The following STS variants were observed in gnomAD, a reference collection of about 807,000 sequenced individuals.
STS encodes the protein steryl-sulfatase.
In STS, 7 loss-of-function variants were observed where a neutral mutation model predicts 26.8. The observed-to-expected ratio is 0.26, with a 90% CI of 0.15 to 0.49. The LOEUF is 0.49. Among genes scored for constraint, STS ranks in the 20% least tolerant of loss-of-function variants. The pLI is 0.98. For missense variants in STS, 434 were observed against 465.6 expected (o/e 0.93, Z 0.63); for synonymous variants, 199 against 189.4 (o/e 1.05, Z -0.42).
chrX:7,147,908 C>G lies in STS; in HGVS notation c.-309C>G. The G allele has an allele frequency of 5.0e-6, 2 of 399,245 alleles. No homozygotes were observed. The highest frequency in any genetic ancestry group is 8.4e-6 in the Non-Finnish European group (2 of 239,367). 32.9% of individuals were successfully genotyped at this position (399,245 alleles called of 1,213,427 possible). On this transcript the variant is annotated 5_prime_UTR_variant, in exon 1 of 11. Coordinates refer to ENST00000674429, the MANE Select transcript of STS (RefSeq NM_001320752.2). ...GCCGCCGCCCGACTTCGGGGCCAGC[C>G]GGGGGCAGAGCGCGCGGGAGCCCGA...
At chrX:7,329,837 T>C (rs1170300711) in intron 9 of STS, among the ~76,000 whole-genome samples, 7 of 111,932 alleles carry the variant, frequency 6.3e-5, no homozygotes, top group African/African-American at 2.3e-4. Flanking sequence ...CAGAAGCCCG[T>C]GGATCCAAGG....
intron 1 of STS, among the ~76,000 whole-genome samples, chrX:7,171,125 G>C (rs1476762801): frequency 9.0e-6 from 1 of 111,470 alleles, no homozygotes; most frequent in Non-Finnish European, 1.9e-5. Context: ...GCTGCAGTTT[G>C]TCGCCACCTG....
chrX:7,317,218 A>G (rs1055917228), intron 8 of STS, among the ~76,000 whole-genome samples: 7 of 111,684 alleles, frequency 6.3e-5, no homozygotes, highest in Non-Finnish European at 1.1e-4. Context: ...ACAAAAAGTT[A>G]AACTTAGACC....
intron 3 of STS, among the ~76,000 whole-genome samples, chrX:7,256,137 C>G: frequency 8.9e-6 from 1 of 112,043 alleles, no homozygotes; most frequent in Middle Eastern, 4.6e-3. Context: ...TGGCAGATGA[C>G]AAGCCAGGCA....
At chrX:7,346,424 T>C (rs1011962638) in intron 10 of STS, among the ~76,000 whole-genome samples, 8 of 104,308 alleles carry the variant, frequency 7.7e-5, no homozygotes, top group Non-Finnish European at 1.6e-4. Context: ...AGTAGAATTA[T>C]TGTCCTCACC....
At chrX:7,320,001 T>TA (rs1926909271) in intron 8 of STS, among the ~76,000 whole-genome samples, 3 of 92,070 alleles carry the variant, frequency 3.3e-5, no homozygotes, top group East Asian at 3.1e-4. Flanking sequence ...TATATATATT[T>TA]TTATATATAT....
At chrX:7,311,940 T>C (rs1045202809) in intron 8 of STS, among the ~76,000 whole-genome samples, 4 of 111,484 alleles carry the variant, frequency 3.6e-5, no homozygotes, top group African/African-American at 1.3e-4. Context: ...GGTAAGAGGA[T>C]CGCTTGAGCC....
intron 2 of STS, among the ~76,000 whole-genome samples, chrX:7,205,885 G>T (rs749415413): frequency 1.9e-5 from 2 of 107,171 alleles, no homozygotes; most frequent in East Asian, 5.9e-4. Flanking sequence ...CAACATGCTG[G>T]GATTACAGGT....
intron 1 of STS, among the ~76,000 whole-genome samples, chrX:7,176,852 G>A (rs993412614): frequency 3.6e-5 from 4 of 111,326 alleles, no homozygotes; most frequent in Non-Finnish European, 7.5e-5. Flanking sequence ...ATGAGATTTG[G>A]GTGGGGACAC....
intron 1 of STS, among the ~76,000 whole-genome samples, chrX:7,176,316 T>C (rs1468129473): frequency 9.0e-6 from 1 of 111,181 alleles, no homozygotes; most frequent in East Asian, 2.9e-4. Flanking sequence ...TTGTGCAAAG[T>C]AGAAGAAAGT....
chrX:7,159,563 A>T (rs1317189135), intron 1 of STS, among the ~76,000 whole-genome samples: 1 of 112,118 alleles, frequency 8.9e-6, no homozygotes, highest in Non-Finnish European at 1.9e-5. Context: ...TCCTCAACAC[A>T]TGCTCCCTTT....
chrX:7,284,151 G>T (rs1207964164), intron 7 of STS, among the ~76,000 whole-genome samples: 1 of 112,076 alleles, frequency 8.9e-6, no homozygotes, highest in Non-Finnish European at 1.9e-5. Context: ...GGTTTACTTT[G>T]TAAGGAGGAA....
intron 1 of STS, among the ~76,000 whole-genome samples, chrX:7,178,069 G>C (rs769062036): frequency 8.9e-6 from 1 of 112,079 alleles, no homozygotes; most frequent in Non-Finnish European, 1.9e-5. Flanking sequence ...GATTACAAGT[G>C]TGAGCCACCA....
chrX:7,200,982 A>T (rs112087133), intron 2 of STS, among the ~76,000 whole-genome samples: 37 of 111,241 alleles, frequency 3.3e-4, no homozygotes, highest in African/African-American at 1.1e-3. Flanking sequence ...GGATGGATGG[A>T]TGGATGATAG....
intron 8 of STS, among the ~76,000 whole-genome samples, chrX:7,323,282 T>C (rs1192916071): frequency 6.4e-5 from 7 of 110,181 alleles, no homozygotes; most frequent in African/African-American, 2.0e-4. Context: ...GTTACATGGG[T>C]ATATTGCATT....
intron 9 of STS, among the ~76,000 whole-genome samples, chrX:7,329,853 A>G (rs1291388483): frequency 4.5e-5 from 5 of 111,983 alleles, no homozygotes; most frequent in Admixed American, 3.8e-4. Context: ...CAAGGTTTCT[A>G]CTTAAGCCAA....
intron 1 of STS, among the ~76,000 whole-genome samples, chrX:7,152,142 C>T (rs1359708090): frequency 7.3e-5 from 8 of 108,948 alleles, no homozygotes; most frequent in Admixed American, 2.9e-4. Flanking sequence ...TTAGTAGAGA[C>T]GGGGTTTCAC....
intron 1 of STS, among the ~76,000 whole-genome samples, chrX:7,188,418 T>C (rs1429749100): frequency 8.9e-6 from 1 of 112,024 alleles, no homozygotes; most frequent in African/African-American, 3.2e-5. Flanking sequence ...TGGATACCAT[T>C]ACTGTCCCCC....
At chrX:7,255,537 A>C (rs1372924847) in intron 3 of STS, among the ~76,000 whole-genome samples, 1 of 112,137 alleles carries the variant, frequency 8.9e-6, no homozygotes, top group African/African-American at 3.2e-5. Flanking sequence ...TCAAAAGAAA[A>C]AATGTCTATA....
Sources: allele counts gnomAD v4.1 joint callset (sites outside exome capture counted in the v4.1 genomes callset), GRCh38; gene constraint gnomAD v4.1.1; transcripts MANE v1.5; gene names NCBI Gene and HGNC (gene_info 2026-07-23, HGNC 2026-07-21).